Variants in PALD1 observed in about 807,000 individuals in gnomAD.
PALD1 encodes phosphatase domain containing paladin 1, also known as paladin.
In PALD1, 57 loss-of-function variants were observed where a neutral mutation model predicts 96.0. The observed-to-expected ratio is 0.59, with a 90% CI of 0.48 to 0.74. The LOEUF (loss-of-function observed/expected upper bound fraction) is 0.74, where lower values mean the gene tolerates loss of function less well. Among genes scored for constraint, PALD1 ranks in the 30% least tolerant of loss-of-function variants. PALD1 has a pLI of 0.00. For synonymous variants in PALD1, 464 were observed against 473.6 expected (o/e 0.98, Z 0.26); for missense variants, 1,063 against 1,143.7 (o/e 0.93, Z 1.02).
chr10:70,488,836 C>T (rs1330159575), intron 1 of PALD1, among the ~76,000 whole-genome samples: 1 of 151,040 alleles, frequency 6.6e-6, no homozygotes, highest in East Asian at 1.9e-4. Context: ...AAAACAGCCT[C>T]TGTCGTGACC....
At chr10:70,518,467 T>C (rs1846659751) in intron 1 of PALD1, among the ~76,000 whole-genome samples, 2 of 152,222 alleles carry the variant, frequency 1.3e-5, no homozygotes, top group Admixed American at 6.5e-5. Context: ...GCAGTGTATG[T>C]GAGTTCCAGT....
chr10:70,512,198 C>T (rs1846528948), intron 1 of PALD1, among the ~76,000 whole-genome samples: 1 of 152,198 alleles, frequency 6.6e-6, no homozygotes, highest in African/African-American at 2.4e-5. Context: ...TCACATGGCC[C>T]CAGGTCGCTG....
At chr10:70,513,957 G>A (rs573524710) in intron 1 of PALD1, among the ~76,000 whole-genome samples, 1 of 152,180 alleles carries the variant, frequency 6.6e-6, no homozygotes, top group Non-Finnish European at 1.5e-5. Flanking sequence ...CCGAGAACCC[G>A]CCTGCCAGGT....
intron 1 of PALD1, among the ~76,000 whole-genome samples, chr10:70,498,200 T>C (rs561216672): frequency 5.9e-5 from 9 of 152,348 alleles, no homozygotes; most frequent in Admixed American, 2.0e-4. Flanking sequence ...GGCTTAAACA[T>C]ATAACATAAT....
chr10:70,494,540 C>A (rs1846156436), intron 1 of PALD1, among the ~76,000 whole-genome samples: 1 of 152,238 alleles, frequency 6.6e-6, no homozygotes, highest in Admixed American at 6.5e-5. Flanking sequence ...CCCCATATCC[C>A]TGACTCCAGA....
intron 1 of PALD1, among the ~76,000 whole-genome samples, chr10:70,523,062 G>A (rs1036307304): frequency 2.0e-5 from 3 of 152,198 alleles, no homozygotes; most frequent in African/African-American, 7.2e-5. Context: ...TTTTGGAGGT[G>A]GGCTTGATTT....
chr10:70,466,782 A>G, the PALD1 span, among the ~76,000 whole-genome samples: 1 of 152,148 alleles, frequency 6.6e-6, no homozygotes, highest in African/African-American at 2.4e-5. Flanking sequence ...TCTGGGGAGA[A>G]GGGGCAGGAA....
intron 1 of PALD1, 126 bp downstream of exon 1, chr10:70,479,185 C>G (rs540743844): frequency 5.9e-5 from 9 of 152,436 alleles, no homozygotes; most frequent in Non-Finnish European, 1.3e-4. Context: ...GGTCCTGGGC[C>G]TTCACCCCAC....
At chr10:70,512,229 G>A (rs1846529661) in intron 1 of PALD1, among the ~76,000 whole-genome samples, 1 of 152,246 alleles carries the variant, frequency 6.6e-6, no homozygotes, top group South Asian at 2.1e-4. Context: ...GGGGAATGCA[G>A]TCTTGGCTCT....
chr10:70,476,234 G>A (rs1845820723), upstream of PALD1, among the ~76,000 whole-genome samples: 1 of 152,218 alleles, frequency 6.6e-6, no homozygotes, highest in African/African-American at 2.4e-5. Context: ...CAGTTTGAGA[G>A]GCTCAAATGG....
At chr10:70,558,539 G>A (rs1034400635) in intron 18 of PALD1, among the ~76,000 whole-genome samples, 1 of 152,150 alleles carries the variant, frequency 6.6e-6, no homozygotes, top group Non-Finnish European at 1.5e-5. Context: ...CTCTAGTGAC[G>A]GAGATCTGCG....
chr10:70,526,446 A>T (rs1589195827), intron 2 of PALD1, among the ~76,000 whole-genome samples: 1 of 152,352 alleles, frequency 6.6e-6, no homozygotes, highest in South Asian at 2.1e-4. Flanking sequence ...TAACATTTTC[A>T]AAAGAAGTTT....
intron 18 of PALD1, among the ~76,000 whole-genome samples, chr10:70,558,489 C>CGGAG (rs1847661370): frequency 6.6e-6 from 1 of 152,066 alleles, no homozygotes; most frequent in African/African-American, 2.4e-5. Flanking sequence ...CTGGAGATGC[C>CGGAG]ATACAAAGGG....
chr10:70,535,190 G>A (rs1847084383), intron 10 of PALD1, among the ~76,000 whole-genome samples: 1 of 152,226 alleles, frequency 6.6e-6, no homozygotes, highest in Admixed American at 6.5e-5. Context: ...TGGGAAGACT[G>A]GGGTTTGGTC....
chr10:70,504,172 G>T (rs74454870), intron 1 of PALD1, among the ~76,000 whole-genome samples: 1,814 of 152,356 alleles, frequency 0.012, 30 homozygotes, highest in African/African-American at 0.041. Flanking sequence ...AAGAGCTTTT[G>T]TGTGGCTTGT....
At chr10:70,502,289 C>T (rs539558998) in intron 1 of PALD1, among the ~76,000 whole-genome samples, 7 of 152,206 alleles carry the variant, frequency 4.6e-5, no homozygotes, top group Middle Eastern at 3.4e-3. Context: ...TGGCTTTTTT[C>T]GCTCCATGTC....
chr10:70,555,513 C>T (rs1156682940), intron 18 of PALD1, among the ~76,000 whole-genome samples: 6 of 152,164 alleles, frequency 3.9e-5, no homozygotes, highest in Admixed American at 1.3e-4. Context: ...AGAAGGGAAG[C>T]GTTGGCAGGG....
intron 1 of PALD1, among the ~76,000 whole-genome samples, chr10:70,508,910 G>A (rs1388931604): frequency 1.4e-5 from 2 of 145,562 alleles, no homozygotes; most frequent in Non-Finnish European, 3.0e-5. Context: ...GGGCTGGTCT[G>A]AGCCCCTGCC....
the PALD1 span, among the ~76,000 whole-genome samples, chr10:70,473,630 T>C: frequency 6.8e-6 from 1 of 148,032 alleles, no homozygotes; most frequent in Non-Finnish European, 1.5e-5. Flanking sequence ...AGGGGCTCCA[T>C]AAATGTTTGT....
Sources: gnomAD v4.1 joint callset for allele counts (sites outside exome capture counted in the v4.1 genomes callset) on GRCh38, gnomAD v4.1.1 for gene constraint, MANE v1.5 for transcripts, NCBI Gene and HGNC (gene_info 2026-07-23, HGNC 2026-07-21) for gene names.